The following LY96 variants were observed in gnomAD, a reference collection of about 807,000 sequenced individuals.
The protein encoded by LY96 is myeloid differentiation protein-2.
Under a neutral mutation model 18.9 loss-of-function variants are expected in LY96, and 18 were observed. The ratio of observed to expected loss-of-function variants is 0.95; its 90% CI spans 0.66 to 1.41. The LOEUF (loss-of-function observed/expected upper bound fraction) is 1.41. LY96 is among the 40% of genes most tolerant of loss of function. The pLI, the probability that LY96 is intolerant of heterozygous loss-of-function variation, is 0.00. For synonymous variants in LY96, 66 were observed against 62.6 expected (o/e 1.06, Z -0.26); for missense variants, 175 against 182.4 (o/e 0.96, Z 0.23).
chr8:74,059,200 C>T, the LY96 span, among the ~76,000 whole-genome samples: 1 of 152,052 alleles, frequency 6.6e-6, no homozygotes, highest in Non-Finnish European at 1.5e-5. Flanking sequence ...CAAATTGGTA[C>T]ATAAAATTAA....
At chr8:74,020,155 G>A (rs557008338) in intron 3 of LY96, among the ~76,000 whole-genome samples, 41 of 152,254 alleles carry the variant, frequency 2.7e-4, no homozygotes, top group African/African-American at 9.6e-4. Flanking sequence ...TGACATGATT[G>A]TATATTTGGA....
chr8:74,058,364 A>G, the LY96 span, among the ~76,000 whole-genome samples: 1 of 152,158 alleles, frequency 6.6e-6, no homozygotes, highest in Non-Finnish European at 1.5e-5. Flanking sequence ...ACTTTCTGCT[A>G]CTCATGAACT....
downstream of LY96, among the ~76,000 whole-genome samples, chr8:74,032,870 A>T (rs929899890): frequency 1.3e-5 from 2 of 152,210 alleles, no homozygotes; most frequent in Admixed American, 1.3e-4. Flanking sequence ...GGGAACAACC[A>T]GCCTAGTGTT....
At chr8:74,073,361 A>G in the LY96 span, among the ~76,000 whole-genome samples, 1 of 152,190 alleles carries the variant, frequency 6.6e-6, no homozygotes, top group African/African-American at 2.4e-5. Context: ...ATAGGCATCC[A>G]ACAGCGTGAA....
At chr8:74,001,937 ACCTTCCTT>A (rs568575292) in intron 1 of LY96, among the ~76,000 whole-genome samples, 10,197 of 63,512 alleles carry the variant, frequency 0.16, 1,293 homozygotes, top group Middle Eastern at 0.4. Flanking sequence ...TTTTCAACCA[ACCTTCCTT>A]CCTTCCTTCC....
At chr8:74,023,539 C>T (rs1370845667) in intron 3 of LY96, among the ~76,000 whole-genome samples, 1 of 152,184 alleles carries the variant, frequency 6.6e-6, no homozygotes, top group African/African-American at 2.4e-5. Context: ...TGACAGGCAA[C>T]TCTCAGGCCC....
At chr8:74,067,680 G>C in the LY96 span, among the ~76,000 whole-genome samples, 1 of 152,062 alleles carries the variant, frequency 6.6e-6, no homozygotes, top group African/African-American at 2.4e-5. Flanking sequence ...GCAATGGTGA[G>C]GGAGATGGAG....
chr8:74,015,521 T>G (rs1816623609), intron 3 of LY96, among the ~76,000 whole-genome samples: 1 of 152,186 alleles, frequency 6.6e-6, no homozygotes, highest in South Asian at 2.1e-4. Context: ...AATTTCCCCT[T>G]CTTAATAAGG....
chr8:74,053,256 C>T, the LY96 span, among the ~76,000 whole-genome samples: 1 of 152,148 alleles, frequency 6.6e-6, no homozygotes, highest in East Asian at 1.9e-4. Context: ...TATATTTGTC[C>T]CCTTTTTTTA....
At chr8:74,070,498 T>C in the LY96 span, among the ~76,000 whole-genome samples, 2 of 152,230 alleles carry the variant, frequency 1.3e-5, no homozygotes, top group Admixed American at 6.5e-5. Flanking sequence ...TTGTAGACTT[T>C]TGGGTTTTTA....
chr8:74,022,486 T>C (rs1482284971), intron 3 of LY96, among the ~76,000 whole-genome samples: 1 of 151,150 alleles, frequency 6.6e-6, no homozygotes, highest in Non-Finnish European at 1.5e-5. Context: ...AAGGGTTCTA[T>C]CCAACAGAAG....
chr8:74,098,220 T>C, the LY96 span, among the ~76,000 whole-genome samples: 1 of 152,182 alleles, frequency 6.6e-6, no homozygotes, highest in Non-Finnish European at 1.5e-5. Flanking sequence ...CACACTTTAC[T>C]GAGCAGGGAG....
At chr8:74,070,237 G>A in the LY96 span, among the ~76,000 whole-genome samples, 3 of 151,992 alleles carry the variant, frequency 2.0e-5, no homozygotes, top group Admixed American at 2.0e-4. Flanking sequence ...GACTACAGGC[G>A]CCTGCAACCA....
At chr8:74,090,335 G>T in the LY96 span, among the ~76,000 whole-genome samples, 2 of 152,164 alleles carry the variant, frequency 1.3e-5, no homozygotes, top group Admixed American at 6.5e-5. Context: ...GCATATACAG[G>T]TGCTTAGTGA....
At chr8:74,079,489 C>A in the LY96 span, 1 of 152,234 alleles carries the variant, frequency 6.6e-6, no homozygotes, top group African/African-American at 2.4e-5. Context: ...AGCTGTCTAA[C>A]AACTTTGGAA....
chr8:74,005,915 C>G (rs1816399245), intron 2 of LY96, among the ~76,000 whole-genome samples: 1 of 152,174 alleles, frequency 6.6e-6, no homozygotes, highest in Admixed American at 6.5e-5. Context: ...TAGATTAATA[C>G]TTTACAGAGT....
At chr8:74,023,910 T>C (rs967221203) in intron 3 of LY96, among the ~76,000 whole-genome samples, 1 of 152,190 alleles carries the variant, frequency 6.6e-6, no homozygotes, top group African/African-American at 2.4e-5. Flanking sequence ...ATAAAAACAT[T>C]ATGGCAAGTC....
chr8:74,061,615 T>C, the LY96 span, among the ~76,000 whole-genome samples: 26 of 152,294 alleles, frequency 1.7e-4, no homozygotes, highest in South Asian at 2.9e-3. Flanking sequence ...AGAGAGTAAA[T>C]TTTTAATGTC....
the LY96 span, among the ~76,000 whole-genome samples, chr8:74,036,898 T>A: frequency 6.6e-6 from 1 of 152,208 alleles, no homozygotes; most frequent in African/African-American, 2.4e-5. Context: ...GGGAGGGGTT[T>A]GGAAACAGGA....
Sources: allele counts gnomAD v4.1 joint callset (sites outside exome capture counted in the v4.1 genomes callset), GRCh38; gene constraint gnomAD v4.1.1; transcripts MANE v1.5; gene names NCBI Gene and HGNC (gene_info 2026-07-23, HGNC 2026-07-21).